GPC6: variants seen among roughly 807,000 people sequenced by gnomAD.
GPC6 encodes the protein glypican-6.
GPC6 carries 14 observed loss-of-function variants against 55.2 expected under a neutral mutation model. The ratio of observed to expected loss-of-function variants is 0.25; its 90% CI spans 0.17 to 0.40. The LOEUF (loss-of-function observed/expected upper bound fraction) is 0.40. Ranked by LOEUF, GPC6 falls within the 10% of genes least tolerant of loss-of-function variation. The probability of loss-of-function intolerance (pLI) is 1.00; values close to 1 mark genes in which losing one functional copy is unlikely to be tolerated. For missense variants in GPC6, 641 were observed against 708.5 expected, an observed-to-expected ratio of 0.90 and a Z score of 1.08; for synonymous variants, 278 against 259.6, an observed-to-expected ratio of 1.07 and a Z score of -0.68.
At chr13:94,158,396 C>T (rs1035681115) in intron 4 of GPC6, among the ~76,000 whole-genome samples, 1 of 142,116 alleles carries the variant, frequency 7.0e-6, no homozygotes, top group African/African-American at 2.6e-5. Context: ...AAAAAAAAGA[C>T]TAATCTGAGA....
intron 4 of GPC6, among the ~76,000 whole-genome samples, chr13:94,219,268 T>A (rs1489125698): frequency 1.3e-5 from 2 of 152,156 alleles, no homozygotes; most frequent in Non-Finnish European, 2.9e-5. Context: ...TGCTATTTCC[T>A]CATTTACAAA....
chr13:94,328,028 G>A (rs1021665641), intron 6 of GPC6, among the ~76,000 whole-genome samples: 2 of 152,170 alleles, frequency 1.3e-5, no homozygotes, highest in African/African-American at 4.8e-5. Context: ...GCTTCCTGGA[G>A]ATCGCCTACA....
At chr13:94,148,128 AC>A (rs2138890939) in intron 4 of GPC6, among the ~76,000 whole-genome samples, 1 of 152,304 alleles carries the variant, frequency 6.6e-6, no homozygotes, top group East Asian at 1.9e-4. Flanking sequence ...CATGTGTCCA[AC>A]CATTTCAATA....
chr13:93,592,375 A>G (rs1302248194), intron 2 of GPC6, among the ~76,000 whole-genome samples: 2 of 146,578 alleles, frequency 1.4e-5, no homozygotes, highest in Admixed American at 1.4e-4. Flanking sequence ...ATATATATAT[A>G]AACATATCAA....
intron 1 of GPC6, among the ~76,000 whole-genome samples, chr13:93,322,431 C>CTTTTTTTTTTTTTTTTTTTTTT (rs71272281): frequency 1.0e-5 from 1 of 96,790 alleles, no homozygotes; most frequent in Non-Finnish European, 1.9e-5. Context: ...TTTCTTTCTT[C>CTTTTTTTTTTTTTTTTTTTTTT]TTTTTTTTTT....
chr13:94,043,420 T>C (rs979826235), intron 4 of GPC6, among the ~76,000 whole-genome samples: 4 of 151,926 alleles, frequency 2.6e-5, no homozygotes, highest in African/African-American at 7.2e-5. Context: ...TCAAAAATAG[T>C]ACCAAATTTA....
chr13:93,532,971 T>G (rs1366517648), intron 1 of GPC6, among the ~76,000 whole-genome samples: 1 of 152,204 alleles, frequency 6.6e-6, no homozygotes, highest in Admixed American at 6.5e-5. Flanking sequence ...ACTGGTAGTT[T>G]GAATGATAAG....
At chr13:93,749,564 T>A (rs1053242748) in intron 2 of GPC6, among the ~76,000 whole-genome samples, 4 of 152,084 alleles carry the variant, frequency 2.6e-5, no homozygotes, top group Admixed American at 6.6e-5. Context: ...TTACATTAAA[T>A]AATTTATACT....
chr13:94,074,292 C>G (rs1199778721), intron 4 of GPC6, among the ~76,000 whole-genome samples: 1 of 152,164 alleles, frequency 6.6e-6, no homozygotes, highest in Non-Finnish European at 1.5e-5. Flanking sequence ...GCTCATTCCT[C>G]TGTTTCAAGA....
In GPC6 at chr13:93,972,044, A is replaced by G. The variant is rs191811081; in HGVS notation, c.712-55685A>G. Among the ~76,000 whole-genome samples, 672 of 152,300 alleles carry G rather than the reference A, an allele frequency of 4.4e-3. 5 individuals are homozygous for G. The highest frequency in any genetic ancestry group is 5.5e-3 in the Non-Finnish European group (377 of 68,018). On this transcript the variant is annotated intron_variant, in intron 3 of 8. Transcript: ENST00000377047. The stretch of plus-strand genomic sequence containing the variant: ...AGGCAGAGAAGGCTGACAAAATCAG[A>G]CAGGATGTCTGGAGTCCAGCCTGGA...
chr13:94,195,663 G>A (rs1889549109), intron 4 of GPC6, among the ~76,000 whole-genome samples: 2 of 152,202 alleles, frequency 1.3e-5, no homozygotes, highest in Admixed American at 1.3e-4. Flanking sequence ...AAAGAACTCA[G>A]TGCAATACCT....
At chr13:94,094,133 T>C in intron 4 of GPC6, among the ~76,000 whole-genome samples, 1 of 152,086 alleles carries the variant, frequency 6.6e-6, no homozygotes. Context: ...ACACTGGATT[T>C]AGTCACAGAG....
At chr13:93,845,053 T>C (rs2139003151) in intron 3 of GPC6, among the ~76,000 whole-genome samples, 1 of 152,120 alleles carries the variant, frequency 6.6e-6, no homozygotes, top group Middle Eastern at 3.4e-3. Flanking sequence ...TGTAGCCTTG[T>C]AGTATAGTTT....
At chr13:93,402,335 C>G (rs1172447712) in intron 1 of GPC6, among the ~76,000 whole-genome samples, 1 of 152,094 alleles carries the variant, frequency 6.6e-6, no homozygotes, top group Non-Finnish European at 1.5e-5. Flanking sequence ...GGAGAGAGAG[C>G]ACTCAAACAA....
intron 4 of GPC6, among the ~76,000 whole-genome samples, chr13:94,080,127 A>T (rs1189955468): frequency 6.6e-6 from 1 of 152,216 alleles, no homozygotes; most frequent in Non-Finnish European, 1.5e-5. Flanking sequence ...GAGACCAGTC[A>T]TTTGAGATTC....
At chr13:94,091,211 G>C (rs1479292713) in intron 4 of GPC6, among the ~76,000 whole-genome samples, 1 of 151,944 alleles carries the variant, frequency 6.6e-6, no homozygotes. Context: ...CTACTTACCA[G>C]TTTACGAAAA....
chr13:94,270,668 A>T (rs981957952), intron 4 of GPC6, among the ~76,000 whole-genome samples: 1 of 152,242 alleles, frequency 6.6e-6, no homozygotes, highest in Non-Finnish European at 1.5e-5. Context: ...AAAATCTAAT[A>T]AAAATGTAGT....
intron 5 of GPC6, among the ~76,000 whole-genome samples, chr13:94,287,599 A>C (rs1277954578): frequency 6.6e-6 from 1 of 152,050 alleles, no homozygotes. Flanking sequence ...GATGAGCTAG[A>C]GTTTCATAAG....
At chr13:93,823,481 C>T (rs192907379) in intron 2 of GPC6, among the ~76,000 whole-genome samples, 2 of 152,082 alleles carry the variant, frequency 1.3e-5, no homozygotes, top group East Asian at 3.9e-4. Context: ...AACTGATTGC[C>T]TTGCAAGTAA....
Sources: gnomAD v4.1 joint callset for allele counts (sites outside exome capture counted in the v4.1 genomes callset) on GRCh38, gnomAD v4.1.1 for gene constraint, MANE v1.5 for transcripts, NCBI Gene and HGNC (gene_info 2026-07-23, HGNC 2026-07-21) for gene names.